FBXL17: variants seen among roughly 807,000 people sequenced by gnomAD.
FBXL17 encodes F-box/LRR-repeat protein 17.
In FBXL17, 22 loss-of-function variants were observed where a neutral mutation model predicts 66.2. That is an observed-to-expected ratio of 0.33 (90% CI 0.24 to 0.47). The LOEUF (loss-of-function observed/expected upper bound fraction) is 0.47, where lower values mean the gene tolerates loss of function less well. Ranked by LOEUF, FBXL17 falls within the 20% of genes least tolerant of loss-of-function variation. FBXL17 has a pLI of 1.00. For synonymous variants in FBXL17, 474 were observed against 400.5 expected (o/e 1.18, Z -2.19); for missense variants, 878 against 948.2 (o/e 0.93, Z 0.97).
At chr5:107,992,299 A>C (rs1472617935) in intron 7 of FBXL17, among the ~76,000 whole-genome samples, 1 of 152,280 alleles carries the variant, frequency 6.6e-6, no homozygotes, top group East Asian at 1.9e-4. Flanking sequence ...ACATATCACT[A>C]ATCAAATACC....
intron 7 of FBXL17, among the ~76,000 whole-genome samples, chr5:107,959,029 T>C (rs1370856671): frequency 6.6e-6 from 1 of 152,158 alleles, no homozygotes; most frequent in Admixed American, 6.5e-5. Context: ...GTGACTTGAA[T>C]CATGTGGTCT....
intron 7 of FBXL17, among the ~76,000 whole-genome samples, chr5:108,015,797 T>C (rs948938417): frequency 1.3e-5 from 2 of 152,152 alleles, no homozygotes; most frequent in East Asian, 1.9e-4. Flanking sequence ...AGGGAAGGTA[T>C]AACCTTTTAA....
intron 4 of FBXL17, among the ~76,000 whole-genome samples, chr5:108,252,071 A>G (rs1756378593): frequency 6.6e-6 from 1 of 152,138 alleles, no homozygotes; most frequent in Non-Finnish European, 1.5e-5. Context: ...TGTACTTAGA[A>G]GTGGAATTGC....
At chr5:108,204,121 G>T (rs1754011577) in intron 5 of FBXL17, among the ~76,000 whole-genome samples, 1 of 152,022 alleles carries the variant, frequency 6.6e-6, no homozygotes, top group Non-Finnish European at 1.5e-5. Flanking sequence ...GTTAATGTTT[G>T]TAAGCTGTTG....
intron 6 of FBXL17, among the ~76,000 whole-genome samples, chr5:108,105,653 T>C (rs1349871969): frequency 6.6e-6 from 1 of 152,238 alleles, no homozygotes; most frequent in Non-Finnish European, 1.5e-5. Flanking sequence ...ATTATCTACT[T>C]CATTTATTAT....
chr5:108,142,121 T>C (rs555033012), intron 6 of FBXL17, among the ~76,000 whole-genome samples: 4 of 152,336 alleles, frequency 2.6e-5, no homozygotes, highest in Non-Finnish European at 5.9e-5. Context: ...AAGATAAGCA[T>C]ATATAAACAA....
intron 4 of FBXL17, among the ~76,000 whole-genome samples, chr5:108,266,872 G>C (rs1016468023): frequency 6.6e-6 from 1 of 152,080 alleles, no homozygotes; most frequent in Non-Finnish European, 1.5e-5. Flanking sequence ...GGGCAGTTGG[G>C]TTTAGCACTA....
intron 4 of FBXL17, among the ~76,000 whole-genome samples, chr5:108,293,243 T>A (rs1758195931): frequency 6.6e-6 from 1 of 152,168 alleles, no homozygotes; most frequent in South Asian, 2.1e-4. Flanking sequence ...GATTTCTCAT[T>A]ATAAAGTGAA....
intron 2 of FBXL17, 34 bp downstream of exon 2, chr5:108,367,797 T>C: frequency 6.5e-7 from 1 of 1,529,642 alleles, no homozygotes; most frequent in Non-Finnish European, 8.8e-7. Flanking sequence ...TTTGAGTAGG[T>C]CATATGAGTG....
chr5:108,171,784 C>T (rs765377562), intron 6 of FBXL17, among the ~76,000 whole-genome samples: 24 of 150,808 alleles, frequency 1.6e-4, no homozygotes, highest in Non-Finnish European at 2.9e-4. Context: ...TGTGTCCTCA[C>T]CCAAATCTCA....
chr5:108,105,431 AGGCTTT>A (rs1461926809), intron 6 of FBXL17, among the ~76,000 whole-genome samples: 1 of 152,222 alleles, frequency 6.6e-6, no homozygotes, highest in Non-Finnish European at 1.5e-5. Flanking sequence ...AAACCAGTGA[AGGCTTT>A]GGCCACATGC....
At chr5:108,080,300 A>C (rs1748712490) in intron 6 of FBXL17, among the ~76,000 whole-genome samples, 1 of 152,254 alleles carries the variant, frequency 6.6e-6, no homozygotes, top group Non-Finnish European at 1.5e-5. Flanking sequence ...TTATATCTGC[A>C]GTAAGAATAG....
At chr5:108,333,830 A>G (rs1229640144) in intron 4 of FBXL17, among the ~76,000 whole-genome samples, 1 of 152,210 alleles carries the variant, frequency 6.6e-6, no homozygotes, top group Non-Finnish European at 1.5e-5. Flanking sequence ...AAACATAGTA[A>G]TAAGTATTTA....
chr5:108,380,920 G>C lies in FBXL17; in HGVS notation c.772C>G (p.Leu258Val). Residue 258 changes from leucine to valine, a missense_variant, in exon 1 of 9, where the codon CTC becomes GTC. Leu to Val is a conservative substitution (Grantham distance 32). Coordinates refer to ENST00000542267, the MANE Select transcript of FBXL17 (RefSeq NM_001163315.3). ...CQAPEQPPQPLCPPPSSPTSE... is the reference protein window; with the variant it reads ...CQAPEQPPQPVCPPPSSPTSE... ...GTGGGAGAAGAGGGCGGAGGGCAGAGCGGCTGCGGGGGCTGCTCCGGGGCC... is the reference window on the plus strand; with the variant it reads ...GTGGGAGAAGAGGGCGGAGGGCAGACCGGCTGCGGGGGCTGCTCCGGGGCC... The C allele has an allele frequency of 8.2e-7, 1 of 1,225,034 alleles. No individual in the cohort carries two copies. Among genetic ancestry groups the C allele is most frequent in the South Asian group, 4.1e-5 (1 of 24,182 alleles). The allele number at this position is 1,225,034 out of a possible 1,614,324, so 75.9% of individuals were successfully genotyped here. A position where few individuals can be genotyped will look rare whatever the true frequency, so the allele number is the denominator to read the frequency against.
chr5:108,338,913 G>C (rs1027454592), intron 4 of FBXL17, among the ~76,000 whole-genome samples: 1 of 152,104 alleles, frequency 6.6e-6, no homozygotes, highest in Non-Finnish European at 1.5e-5. Context: ...AATAGGAACA[G>C]TACTCAGCAC....
rs184094534 is a variant in FBXL17, at chr5:108,049,883, T to A, written c.1746-28882A>T. On this transcript the variant is annotated intron_variant, in intron 6 of 8. Transcript: ENST00000542267. ...ACACACTATACAAAATAAACGGATA[T>A]AGGAACATTTACCAAGCAAATGGAA... is the stretch of plus-strand genomic sequence containing the variant. 1.8e-3 allele frequency among the ~76,000 whole-genome samples: 280 copies of A among 151,986 alleles called. 1 individual carries two copies. Among genetic ancestry groups the A allele is most frequent in the Admixed American group, 5.2e-3 (80 of 15,268 alleles).
chr5:108,075,525 G>A (rs1748509091), intron 6 of FBXL17, among the ~76,000 whole-genome samples: 1 of 152,172 alleles, frequency 6.6e-6, no homozygotes, highest in South Asian at 2.1e-4. Flanking sequence ...TGCCCAGGCT[G>A]GAGTGCAATG....
intron 5 of FBXL17, among the ~76,000 whole-genome samples, chr5:108,189,311 TGGG>T (rs1753369348): frequency 3.5e-5 from 4 of 115,020 alleles, no homozygotes; most frequent in Non-Finnish European, 7.2e-5. Context: ...TGGGATGGGA[TGGG>T]ATGGGATGGG....
intron 6 of FBXL17, among the ~76,000 whole-genome samples, chr5:108,071,662 T>C (rs991619242): frequency 3.3e-5 from 5 of 152,120 alleles, no homozygotes; most frequent in African/African-American, 1.2e-4. Context: ...TTCCTCATGT[T>C]CAAGTTTTTC....
Sources: gnomAD v4.1 joint callset for allele counts (sites outside exome capture counted in the v4.1 genomes callset) on GRCh38, gnomAD v4.1.1 for gene constraint, MANE v1.5 for transcripts, NCBI Gene and HGNC (gene_info 2026-07-23, HGNC 2026-07-21) for gene names.